The following PRKG1 variants were observed in gnomAD, a reference collection of about 807,000 sequenced individuals.
PRKG1 encodes the protein cGMP-dependent protein kinase 1.
In PRKG1, 35 loss-of-function variants were observed where a neutral mutation model predicts 88.1. The ratio of observed to expected loss-of-function variants is 0.40; its 90% CI spans 0.30 to 0.53. The LOEUF is 0.53. PRKG1 is among the 20% of genes least tolerant of loss of function. The probability of loss-of-function intolerance (pLI) is 0.59; values close to 1 mark genes in which losing one functional copy is unlikely to be tolerated. For missense variants in PRKG1, 540 were observed against 839.8 expected, an observed-to-expected ratio of 0.64 and a Z score of 4.41; for synonymous variants, 303 against 292.5, an observed-to-expected ratio of 1.04 and a Z score of -0.37.
At chr10:51,127,173 G>A (rs763237854) in intron 1 of PRKG1, among the ~76,000 whole-genome samples, 1 of 152,042 alleles carries the variant, frequency 6.6e-6, no homozygotes, top group Non-Finnish European at 1.5e-5. Context: ...GGGTGAACAG[G>A]CAATCCAGAG....
chr10:51,219,557 A>C (rs1232298165), intron 2 of PRKG1, among the ~76,000 whole-genome samples: 1 of 151,834 alleles, frequency 6.6e-6, no homozygotes, highest in African/African-American at 2.4e-5. Context: ...AAAATACAAA[A>C]AAATTACCCG....
In PRKG1 at chr10:51,236,707, T is replaced by C. The variant is rs111288353; in HGVS notation, c.478+83377T>C. 7.8e-3 allele frequency among the ~76,000 whole-genome samples: 1,194 copies of C among 152,190 alleles called. 14 individuals carry two copies. The highest frequency in any genetic ancestry group is 0.027 in the African/African-American group (1,123 of 41,522). ...TAGTAGAGACTACGGGGTTTCACCATATTGACCAGGCTGGTCTCGAACTCC... is the reference window on the plus strand; with the variant it reads ...TAGTAGAGACTACGGGGTTTCACCACATTGACCAGGCTGGTCTCGAACTCC... On this transcript the variant is annotated intron_variant, in intron 2 of 17. Coordinates refer to ENST00000373980, the MANE Select transcript of PRKG1 (RefSeq NM_006258.4).
At chr10:51,509,320 T>G (rs1371644467) in intron 3 of PRKG1, among the ~76,000 whole-genome samples, 1 of 152,170 alleles carries the variant, frequency 6.6e-6, no homozygotes, top group South Asian at 2.1e-4. Flanking sequence ...AGTGACTAAT[T>G]TTTGAATGTG....
chr10:52,004,809 C>T lies in PRKG1; in HGVS notation c.763-49675C>T, dbSNP rs1844688554. On this transcript the variant is annotated intron_variant, in intron 5 of 17. Transcript: ENST00000373980. ...AGGCGCAGTGGCTCATGCCGGTAATCCCAGCACACTGGGAGACTGAGGTGG... is the reference window on the plus strand; with the variant it reads ...AGGCGCAGTGGCTCATGCCGGTAATTCCAGCACACTGGGAGACTGAGGTGG... 2.6e-5 allele frequency among the ~76,000 whole-genome samples: 4 copies of T among 152,204 alleles called. No homozygotes were observed. In the South Asian group the frequency reaches 8.3e-4, roughly 32 times the overall value.
chr10:52,136,934 T>C (rs914357584), intron 8 of PRKG1, among the ~76,000 whole-genome samples: 3 of 152,054 alleles, frequency 2.0e-5, no homozygotes, highest in Non-Finnish European at 4.4e-5. Flanking sequence ...ATTTGTATAC[T>C]CTTAGCAGAG....
intron 2 of PRKG1, among the ~76,000 whole-genome samples, chr10:51,262,372 G>T (rs1564660094): frequency 1.3e-5 from 2 of 152,056 alleles, no homozygotes; most frequent in Admixed American, 6.6e-5. Context: ...ACTAAAGCAT[G>T]ACACCATATG....
rs962393288 is a variant in PRKG1, at chr10:50,991,214, C to T, written c.-165C>T. The T allele has an allele frequency of 2.0e-6, 2 of 1,003,306 alleles. No individual in the cohort carries two copies. The highest frequency in any genetic ancestry group is 3.5e-5 in the African/African-American group (2 of 56,366). The allele number at this position is 1,003,306 out of a possible 1,614,324, so 62.2% of individuals were successfully genotyped here. On this transcript the variant is annotated 5_prime_UTR_variant, in exon 1 of 18. Transcript: ENST00000401604. This position sits in a 1 kb window ranked among gnomAD's most constrained non-coding sequence, Gnocchi z 4.5. ...AGCAGAAGCGGATCGAAGCAGGAGGCTCCCCGCGCCGCATTAGGGGCGCAC... is the reference window on the plus strand; with the variant it reads ...AGCAGAAGCGGATCGAAGCAGGAGGTTCCCCGCGCCGCATTAGGGGCGCAC...
chr10:52,238,256 A>G (rs1276151374), intron 9 of PRKG1, among the ~76,000 whole-genome samples: 3 of 129,740 alleles, frequency 2.3e-5, no homozygotes, highest in Admixed American at 8.1e-5. Flanking sequence ...GGACATAGGC[A>G]TGGGCAAGGA....
At chr10:52,244,737 TATATATTTAAATATATATTAAG>T (rs1348671554) in intron 9 of PRKG1, among the ~76,000 whole-genome samples, 24 of 87,886 alleles carry the variant, frequency 2.7e-4, no homozygotes, top group African/African-American at 8.9e-4. Flanking sequence ...TATACTTTAA[TATATATTTAAATATATATTAAG>T]ATATATTTAA....
chr10:51,726,426 T>A (rs1192738994), intron 3 of PRKG1, among the ~76,000 whole-genome samples: 1 of 152,242 alleles, frequency 6.6e-6, no homozygotes, highest in African/African-American at 2.4e-5. Context: ...TGAAGAGATG[T>A]CCTCTTGTGC....
intron 9 of PRKG1, among the ~76,000 whole-genome samples, chr10:52,177,813 C>T (rs894820688): frequency 6.6e-6 from 1 of 151,252 alleles, no homozygotes; most frequent in African/African-American, 2.4e-5. Flanking sequence ...CCTTATGATC[C>T]TTTGTATTTC....
At chr10:52,008,539 T>C (rs1240118945) in intron 5 of PRKG1, among the ~76,000 whole-genome samples, 3 of 152,050 alleles carry the variant, frequency 2.0e-5, no homozygotes, top group Non-Finnish European at 4.4e-5. Flanking sequence ...GATGCATAAA[T>C]TCCTGGACAC....
chr10:51,170,640 G>A (rs1388039280), intron 2 of PRKG1, among the ~76,000 whole-genome samples: 1 of 151,674 alleles, frequency 6.6e-6, no homozygotes, highest in Non-Finnish European at 1.5e-5. Context: ...CTGATATTTG[G>A]GGAGAAGAGC....
chr10:52,083,910 C>T (rs966301168), intron 7 of PRKG1, among the ~76,000 whole-genome samples: 2 of 151,906 alleles, frequency 1.3e-5, no homozygotes, highest in East Asian at 1.9e-4. Context: ...GGTACTAAAA[C>T]GAAATCTTTT....
chr10:51,752,220 C>T (rs745650189), intron 3 of PRKG1, among the ~76,000 whole-genome samples: 26 of 152,096 alleles, frequency 1.7e-4, no homozygotes, highest in Non-Finnish European at 7.4e-5. Flanking sequence ...CCTTTTAGTA[C>T]TTGTGTCACT....
At chr10:51,868,581 T>G (rs190718121) in intron 4 of PRKG1, among the ~76,000 whole-genome samples, 4 of 152,234 alleles carry the variant, frequency 2.6e-5, no homozygotes, top group African/African-American at 9.6e-5. Context: ...TGTCTATCAT[T>G]ACCTCTCTAA....
intron 2 of PRKG1, among the ~76,000 whole-genome samples, chr10:51,373,828 C>T (rs1286336923): frequency 2.0e-5 from 3 of 151,736 alleles, no homozygotes; most frequent in Non-Finnish European, 4.4e-5. Context: ...TTTATCCATG[C>T]TGTCTCTTTT....
At chr10:51,370,078 A>G (rs1842669607) in intron 2 of PRKG1, among the ~76,000 whole-genome samples, 1 of 152,102 alleles carries the variant, frequency 6.6e-6, no homozygotes, top group Admixed American at 6.6e-5. Flanking sequence ...ACCATATGAA[A>G]TATCAAGGTC....
chr10:52,071,339 G>A (rs1846491888), intron 7 of PRKG1, among the ~76,000 whole-genome samples: 1 of 152,066 alleles, frequency 6.6e-6, no homozygotes, highest in Non-Finnish European at 1.5e-5. Flanking sequence ...TTGTTCCCAT[G>A]ATGGTGTTCA....
Sources: allele counts gnomAD v4.1 joint callset (sites outside exome capture counted in the v4.1 genomes callset), GRCh38; gene constraint gnomAD v4.1.1; non-coding constraint Gnocchi (gnomAD v3.1); transcripts MANE v1.5; gene names NCBI Gene and HGNC (gene_info 2026-07-23, HGNC 2026-07-21).